UBE4B: variants seen among roughly 807,000 people sequenced by gnomAD.
UBE4B encodes ubiquitin conjugation factor E4 B.
In UBE4B, 27 loss-of-function variants were observed where a neutral mutation model predicts 148.1. The ratio of observed to expected loss-of-function variants is 0.18; its 90% CI spans 0.13 to 0.25. UBE4B has a LOEUF of 0.25. Ranked by LOEUF, UBE4B falls within the 10% of genes least tolerant of loss-of-function variation. The probability of loss-of-function intolerance (pLI) is 1.00; values close to 1 mark genes in which losing one functional copy is unlikely to be tolerated. For synonymous variants in UBE4B, 596 were observed against 619.3 expected, an observed-to-expected ratio of 0.96 and a Z score of 0.56; for missense variants, 1,170 against 1,662.4, an observed-to-expected ratio of 0.70 and a Z score of 5.15.
At chr1:10,140,776 T>C (rs1353252654) in intron 17 of UBE4B, among the ~76,000 whole-genome samples, 1 of 152,216 alleles carries the variant, frequency 6.6e-6, no homozygotes, top group Non-Finnish European at 1.5e-5. Flanking sequence ...AGTTGGGGTG[T>C]GTATATGCGT....
Position 10,151,477 on chromosome 1 carries a change from C to G in UBE4B, c.2842C>G (p.Arg948Gly). Residue 948 changes from arginine to glycine, a missense_variant, in exon 21 of 28, where the codon CGA (arginine) becomes GGA (glycine). Coordinates refer to ENST00000343090, the MANE Select transcript of UBE4B (RefSeq NM_001105562.3). ...TATGACCAACCCTGCTGTTCAGCCA[C>G]GAACCCAGAAGTTTTTTGAAATGAT... ...MFMTNPAVQP[R>G]TQKFFEMIEN... 2.5e-6 allele frequency: 4 copies of G among 1,614,140 alleles called. No individual in the cohort carries two copies. The highest frequency in any genetic ancestry group is 3.4e-6 in the Non-Finnish European group (4 of 1,180,026).
At position 10,179,885 on chromosome 1, in the gene UBE4B, CT is replaced by C. The variant is rs775403184; in HGVS notation, c.3848-6del. 397 of 1,612,886 alleles carry C rather than the reference CT, an allele frequency of 2.5e-4. No individual in the cohort carries two copies. The highest frequency in any genetic ancestry group is 3.2e-4 in the Non-Finnish European group (381 of 1,179,842). On this transcript the variant is annotated splice_polypyrimidine_tract_variant and intron_variant, in intron 27 of 27. Coordinates refer to ENST00000343090, the MANE Select transcript of UBE4B (RefSeq NM_001105562.3). Reference sequence around the variant, plus strand: ...CTGGGGCATTAATCCTCCTTTTTTTCTTTTCTCAGTGCCAGAACTGAAAGAG... The same window carrying C: ...CTGGGGCATTAATCCTCCTTTTTTTCTTTCTCAGTGCCAGAACTGAAAGAG...
intron 7 of UBE4B, among the ~76,000 whole-genome samples, chr1:10,110,442 A>G (rs1307000334): frequency 6.6e-6 from 1 of 152,206 alleles, no homozygotes; most frequent in Non-Finnish European, 1.5e-5. Flanking sequence ...TGCATGGGTG[A>G]TGAAATAATC....
At chr1:10,148,988 C>G (rs1645927544) in intron 19 of UBE4B, among the ~76,000 whole-genome samples, 196 bp from the exon 20 acceptor site, 1 of 152,016 alleles carries the variant, frequency 6.6e-6, no homozygotes, top group Admixed American at 6.6e-5. Context: ...TCACACATAC[C>G]CTTGCATATG....
chr1:10,047,487 T>C (rs1479013927), intron 1 of UBE4B, among the ~76,000 whole-genome samples: 2 of 145,812 alleles, frequency 1.4e-5, no homozygotes, highest in Non-Finnish European at 3.0e-5. Flanking sequence ...GCTTCATATA[T>C]CTTTTTTTTT....
At chr1:10,162,331 G>A (rs944001899) in intron 23 of UBE4B, among the ~76,000 whole-genome samples, 1 of 152,066 alleles carries the variant, frequency 6.6e-6, no homozygotes, top group African/African-American at 2.4e-5. Context: ...CTGCCACTAC[G>A]CCTGGCTTAT....
intron 8 of UBE4B, 125 bp downstream of exon 8, chr1:10,117,725 A>G: frequency 8.2e-7 from 1 of 1,217,048 alleles, no homozygotes. Context: ...GCCATGTGCC[A>G]GGCACAATAC....
At chr1:10,102,136 A>C (rs1391025917) in intron 4 of UBE4B, among the ~76,000 whole-genome samples, 1 of 152,168 alleles carries the variant, frequency 6.6e-6, no homozygotes, top group East Asian at 1.9e-4. Context: ...AAGAAGTTGC[A>C]CTGTAGCCTC....
intron 22 of UBE4B, among the ~76,000 whole-genome samples, chr1:10,160,624 A>T (rs191632085): frequency 3.7e-4 from 56 of 152,292 alleles, no homozygotes; most frequent in African/African-American, 1.3e-3. Flanking sequence ...TACCACTGGA[A>T]TGAGCTTATC....
At chr1:10,053,530 G>T (rs1644096737) in intron 1 of UBE4B, among the ~76,000 whole-genome samples, 1 of 151,948 alleles carries the variant, frequency 6.6e-6, no homozygotes. Flanking sequence ...TCAAGTTCTG[G>T]GGTATATGGG....
chr1:10,034,902 A>G (rs1570750474), intron 1 of UBE4B, among the ~76,000 whole-genome samples: 1 of 152,236 alleles, frequency 6.6e-6, no homozygotes, highest in African/African-American at 2.4e-5. Context: ...TTTCGAATAC[A>G]GCAGAAATGT....
At position 10,137,125 on chromosome 1, in the gene UBE4B, C is replaced by A; in HGVS notation, c.2283C>A (p.Thr761=). The part of the protein sequence containing the change: ...PKFPTECFFL[T]LHAHHLSILP... ...TCCCTACGGAGTGCTTCTTTCTCAC[C>A]CTGCATGCTCACCACCTCTCTATTC... is the stretch of plus-strand genomic sequence containing the variant. The change falls in exon 17 of 28, where the codon ACC becomes ACA. Residue 761 remains threonine (T), a synonymous_variant. Coordinates refer to ENST00000343090, the MANE Select transcript of UBE4B (RefSeq NM_001105562.3). 6.2e-7 allele frequency: 1 copy of A among 1,614,090 alleles called. No individual in the cohort carries two copies.
chr1:10,052,488 G>A (rs916080372), intron 1 of UBE4B, among the ~76,000 whole-genome samples: 1 of 152,126 alleles, frequency 6.6e-6, no homozygotes, highest in Non-Finnish European at 1.5e-5. Context: ...AGCACCCATC[G>A]TGCCAGGCAC....
rs549045105 is a variant in UBE4B, at chr1:10,180,000, C to T, written c.*44C>T. On this transcript the variant is annotated 3_prime_UTR_variant, in exon 28 of 28. Transcript: ENST00000343090. ...CTCTGCTAGACACAGCCAAGGCCAA[C>T]GAGGCAAGCAGAAGCAGCGGCCGCA... 76 of 1,610,762 alleles carry T rather than the reference C, an allele frequency of 4.7e-5. No individual in the cohort carries two copies. Among genetic ancestry groups the T allele is most frequent in the South Asian group, 1.2e-4 (11 of 90,728 alleles).
At chr1:10,121,825 G>A (rs1345845976) in intron 9 of UBE4B, 137 bp from the exon 10 acceptor site, 11 of 518,092 alleles carry the variant, frequency 2.1e-5, no homozygotes, top group Non-Finnish European at 3.8e-5. Flanking sequence ...GTTAGCTTTC[G>A]CCTGAAACTA....
At position 10,121,981 on chromosome 1, in the gene UBE4B, T is replaced by TTCC; in HGVS notation, c.1461_1463dup (p.Leu488dup). ...CCACAGGTCCTTGCAGCAGCCGTCC[T>TTCC]TCCTAGTGCCGTATATGCTGTGTAG... is the stretch of plus-strand genomic sequence containing the variant. On this transcript the variant is annotated inframe_insertion, in exon 10 of 28. Coordinates refer to ENST00000343090, the MANE Select transcript of UBE4B (RefSeq NM_001105562.3). The TTCC allele has an allele frequency of 6.2e-7, 1 of 1,613,126 alleles. No homozygotes were observed. Among genetic ancestry groups the TTCC allele is most frequent in the South Asian group, 1.1e-5 (1 of 91,004 alleles).
chr1:10,061,927 T>G (rs76905985), intron 1 of UBE4B, among the ~76,000 whole-genome samples: 7 of 151,558 alleles, frequency 4.6e-5, no homozygotes, highest in African/African-American at 1.7e-4. Context: ...TTTTTTTTTT[T>G]TGAGACGAGG....
chr1:10,074,627 C>G (rs1644547775), intron 2 of UBE4B, among the ~76,000 whole-genome samples: 1 of 152,218 alleles, frequency 6.6e-6, no homozygotes, highest in Admixed American at 6.5e-5. Flanking sequence ...TTAGACATGG[C>G]TTTCACCCAC....
chr1:10,151,142 G>A (rs575180815), intron 20 of UBE4B, among the ~76,000 whole-genome samples, 184 bp from the exon 21 acceptor site: 10 of 150,022 alleles, frequency 6.7e-5, no homozygotes, highest in African/African-American at 2.5e-4. Context: ...CAGCCTGGGC[G>A]ACAGAGCGAG....
Sources: gnomAD v4.1 joint callset for allele counts (sites outside exome capture counted in the v4.1 genomes callset) on GRCh38, gnomAD v4.1.1 for gene constraint, MANE v1.5 for transcripts, NCBI Gene and HGNC (gene_info 2026-07-23, HGNC 2026-07-21) for gene names.